The following LRRC9 variants were observed in gnomAD, a reference collection of about 807,000 sequenced individuals.
LRRC9 encodes leucine-rich repeat-containing protein 9.
In LRRC9, 122 loss-of-function variants were observed where a neutral mutation model predicts 63.2. That is an observed-to-expected ratio of 1.93 (90% CI 1.67 to 2.24). The LOEUF (loss-of-function observed/expected upper bound fraction) is 2.24. Ranked by LOEUF, LRRC9 falls within the 30% of genes most tolerant of loss-of-function variation. The pLI is 0.00. For missense variants in LRRC9, 1,071 were observed against 627.7 expected (o/e 1.71, Z -7.55); for synonymous variants, 366 against 213.1 (o/e 1.72, Z -6.25).
At position 59,942,912 on chromosome 14, in the gene LRRC9, G is replaced by GTA. The variant is rs147834415; in HGVS notation, c.727-1676_727-1675insAT. 0.014 allele frequency among the ~76,000 whole-genome samples: 2,173 copies of GTA among 152,038 alleles called. 49 individuals carry two copies. The highest frequency in any genetic ancestry group is 0.059 in the East Asian group (304 of 5,178). On this transcript the variant is annotated intron_variant, in intron 7 of 31. Transcript: ENST00000445360. This position sits in a 1 kb window ranked among gnomAD's most constrained non-coding sequence, Gnocchi z 5.3. ...CATATACCTATTGGCCATTTGTATG[G>GTA]TCTGTTGAGAAATGTCTATGCAGTT...
At chr14:59,931,058 G>A in exon 4 of LRRC9, 1 of 366,398 alleles carries the variant, frequency 2.7e-6, no homozygotes, top group Non-Finnish European at 5.0e-6. Context: ...AAAATATTGA[G>A]GTAAGATAAT....
chr14:60,003,470 T>C lies in LRRC9; in HGVS notation c.2665-151T>C. The C allele has an allele frequency of 1.9e-6, 1 of 533,794 alleles. No individual in the cohort carries two copies. Among genetic ancestry groups the C allele is most frequent in the East Asian group, 3.1e-5 (1 of 31,896 alleles). The allele number at this position is 533,794 out of a possible 1,614,324, so 33.1% of individuals were successfully genotyped here. ...CGTCAAATTTTACTTTTCTGTAAAC[T>C]GACAGCTTCACAATATCTTTAGCTC... On this transcript the variant is annotated intron_variant, in intron 20 of 31. Transcript: ENST00000445360. The surrounding 1 kb of genome is among the most constrained non-coding windows in gnomAD (Gnocchi z 4.2).
chr14:59,921,717 ATTTTT>A (rs57938700), intron 1 of LRRC9, among the ~76,000 whole-genome samples: 2 of 121,184 alleles, frequency 1.7e-5, no homozygotes, highest in Admixed American at 8.5e-5. Context: ...GGGCAGTTGG[ATTTTT>A]TTTTTTTTTT....
At chr14:59,968,801 T>C (rs1234272329) in intron 12 of LRRC9, among the ~76,000 whole-genome samples, 3 of 152,172 alleles carry the variant, frequency 2.0e-5, no homozygotes, top group African/African-American at 7.2e-5. Flanking sequence ...CTTCTGCATC[T>C]CCTAAAAGAG....
intron 18 of LRRC9, among the ~76,000 whole-genome samples, chr14:59,998,286 A>T (rs961025729): frequency 7.2e-5 from 11 of 152,102 alleles, no homozygotes; most frequent in African/African-American, 2.6e-4. Context: ...CATGTTTTAC[A>T]ATTTTATTTT....
intron 30 of LRRC9, among the ~76,000 whole-genome samples, chr14:60,055,700 C>A (rs1450521911): frequency 1.3e-5 from 2 of 149,514 alleles, no homozygotes; most frequent in Non-Finnish European, 3.0e-5. Context: ...GGAGTGCAGC[C>A]TGGGGAACAT....
chr14:60,000,381 C>G (rs969582289), intron 19 of LRRC9, among the ~76,000 whole-genome samples: 1 of 152,092 alleles, frequency 6.6e-6, no homozygotes, highest in Non-Finnish European at 1.5e-5. Flanking sequence ...TACCCCAAAC[C>G]TCAACATTAC....
At chr14:60,009,839 C>T (rs999988140) in intron 23 of LRRC9, among the ~76,000 whole-genome samples, 1 of 152,196 alleles carries the variant, frequency 6.6e-6, no homozygotes, top group Non-Finnish European at 1.5e-5. Flanking sequence ...GGGCTACAGG[C>T]CGCATGCAAG....
chr14:59,931,817 A>T, intron 5 of LRRC9, 135 bp downstream of exon 5: 1 of 610,040 alleles, frequency 1.6e-6, no homozygotes, highest in Non-Finnish European at 2.9e-6. Context: ...AAACCTGTGA[A>T]AATATTACTC....
intron 7 of LRRC9, among the ~76,000 whole-genome samples, chr14:59,939,114 T>C (rs10136076): frequency 8.6e-6 from 1 of 116,070 alleles, no homozygotes; most frequent in Non-Finnish European, 1.8e-5. Context: ...CACATATATA[T>C]ACATATATAT....
At chr14:60,041,763 CT>C (rs1379627048) in intron 29 of LRRC9, among the ~76,000 whole-genome samples, 1 of 152,214 alleles carries the variant, frequency 6.6e-6, no homozygotes, top group Non-Finnish European at 1.5e-5. Context: ...CAAAGTCATT[CT>C]CCATCCAGCT....
At chr14:59,955,700 C>T (rs949504433) in intron 8 of LRRC9, among the ~76,000 whole-genome samples, 13 of 152,016 alleles carry the variant, frequency 8.6e-5, no homozygotes, top group Non-Finnish European at 1.3e-4. Context: ...TTTGTTTGCT[C>T]TTGTTTCTAT....
At chr14:60,047,719 C>T (rs140638338) in intron 29 of LRRC9, among the ~76,000 whole-genome samples, 45 of 152,272 alleles carry the variant, frequency 3.0e-4, no homozygotes, top group Admixed American at 5.2e-4. Context: ...ACTCCACTGA[C>T]AGTATTAGAC....
In LRRC9 at chr14:59,962,024, A is replaced by T. The variant is rs1884400102; in HGVS notation, c.1211+979A>T. Among the ~76,000 whole-genome samples the T allele has an allele frequency of 6.6e-6, 1 of 152,118 alleles. No homozygotes were observed. The highest frequency in any genetic ancestry group is 1.5e-5 in the Non-Finnish European group (1 of 68,016). ...TTATAGTGTAGAATGTAAAACTTAC[A>T]CTAACTTTTTAGAAAAAAAAACTGT... is the stretch of plus-strand genomic sequence containing the variant. On this transcript the variant is annotated intron_variant, in intron 10 of 31. Transcript: ENST00000445360. The surrounding 1 kb of genome is among the most constrained non-coding windows in gnomAD (Gnocchi z 5.1).
intron 29 of LRRC9, among the ~76,000 whole-genome samples, chr14:60,039,970 T>TTC (rs1322324746): frequency 6.6e-6 from 1 of 151,396 alleles, no homozygotes; most frequent in Non-Finnish European, 1.5e-5. Flanking sequence ...TGTGCCTTTG[T>TTC]TCTCATTGGT....
intron 17 of LRRC9, among the ~76,000 whole-genome samples, chr14:59,995,766 C>A (rs1039049598): frequency 6.6e-6 from 1 of 151,052 alleles, no homozygotes; most frequent in Admixed American, 6.6e-5. Context: ...GTTTTTGAGA[C>A]GGAATGTTGC....
chr14:59,978,311 T>C (rs541082297), intron 15 of LRRC9, among the ~76,000 whole-genome samples, 179 bp downstream of exon 15: 10 of 152,344 alleles, frequency 6.6e-5, no homozygotes, highest in Middle Eastern at 3.4e-3. Context: ...AGGCAAATAA[T>C]CAAATGATTA....
rs1306230739 is a variant in LRRC9, at chr14:60,027,429, G to A, written c.3704-455G>A. On this transcript the variant is annotated intron_variant, in intron 27 of 31. Coordinates refer to ENST00000445360, the Ensembl canonical transcript of LRRC9. The surrounding 1 kb of genome is among the most constrained non-coding windows in gnomAD (Gnocchi z 4.0). ...TAATATGATTGCAGTGCAAAAATAT[G>A]AGAAAGAACAGCATAATTAATGTGT... 2.0e-5 allele frequency among the ~76,000 whole-genome samples: 3 copies of A among 151,990 alleles called. No individual in the cohort carries two copies. The highest frequency in any genetic ancestry group is 4.8e-5 in the African/African-American group (2 of 41,424).
intron 12 of LRRC9, among the ~76,000 whole-genome samples, chr14:59,971,510 T>C (rs1237669725): frequency 6.6e-6 from 1 of 152,196 alleles, no homozygotes; most frequent in Non-Finnish European, 1.5e-5. Flanking sequence ...ACTTTATAAA[T>C]TGGTTTGGGC....
Sources: gnomAD v4.1 joint callset for allele counts (sites outside exome capture counted in the v4.1 genomes callset) on GRCh38, gnomAD v4.1.1 for gene constraint, Gnocchi (gnomAD v3.1) non-coding constraint, MANE v1.5 for transcripts, NCBI Gene and HGNC (gene_info 2026-07-23, HGNC 2026-07-21) for gene names.